Variants in CACNA1D observed in about 807,000 individuals in gnomAD.
The protein encoded by CACNA1D is voltage-dependent L-type calcium channel subunit alpha-1D.
CACNA1D carries 55 observed loss-of-function variants against 257.1 expected under a neutral mutation model. The observed-to-expected ratio is 0.21, with a 90% CI of 0.17 to 0.27. CACNA1D has a LOEUF of 0.27. CACNA1D is among the 10% of genes least tolerant of loss of function. The pLI is 1.00. For synonymous variants in CACNA1D, 980 were observed against 1,014.9 expected (o/e 0.97, Z 0.65); for missense variants, 1,876 against 2,784.0 (o/e 0.67, Z 7.34).
chr3:53,566,627 G>A (rs1032501592), intron 3 of CACNA1D, among the ~76,000 whole-genome samples: 3 of 152,070 alleles, frequency 2.0e-5, no homozygotes, highest in Non-Finnish European at 4.4e-5. Flanking sequence ...TTCCACACAT[G>A]TGCCACAGCG....
intron 3 of CACNA1D, among the ~76,000 whole-genome samples, chr3:53,602,659 G>C (rs1019187894): frequency 1.3e-5 from 2 of 152,202 alleles, no homozygotes; most frequent in African/African-American, 4.8e-5. Flanking sequence ...TAACTGGGGT[G>C]AGGTGGTATC....
chr3:53,730,246 TTTTG>T (rs2094976573), intron 15 of CACNA1D, among the ~76,000 whole-genome samples, 192 bp from the exon 16 acceptor site: 1 of 90,172 alleles, frequency 1.1e-5, no homozygotes, highest in Admixed American at 9.6e-5. Flanking sequence ...AGGTTTTTAC[TTTTG>T]TTTTGTTTTG....
intron 3 of CACNA1D, among the ~76,000 whole-genome samples, chr3:53,564,771 C>T (rs1246423392): frequency 1.3e-5 from 2 of 152,154 alleles, no homozygotes; most frequent in African/African-American, 4.8e-5. Context: ...GGTAAGGAAA[C>T]TGAGGCACAG....
rs925677202 is a variant in CACNA1D, at chr3:53,763,541, C to T, written c.3870+1460C>T. 8.5e-5 allele frequency among the ~76,000 whole-genome samples: 13 copies of T among 152,276 alleles called. No homozygotes were observed. In the Middle Eastern group the frequency reaches 0.01, roughly 120 times the overall value. The stretch of plus-strand genomic sequence containing the variant: ...TGTGCCGAGCCTGTGCAGAGCCTTT[C>T]GAGAGAGTGGGCGGAGCACGGGGAG... On this transcript the variant is annotated intron_variant, in intron 30 of 47. Coordinates refer to ENST00000350061, the MANE Select transcript of CACNA1D (RefSeq NM_001128840.3).
In CACNA1D at chr3:53,770,565, C is replaced by T; in HGVS notation, c.4044+13C>T. 1.9e-6 allele frequency: 3 copies of T among 1,612,680 alleles called. No homozygotes were observed. The highest frequency in any genetic ancestry group is 2.5e-6 in the Non-Finnish European group (3 of 1,178,766). ...TAAGTCCTTTCAGGTAAGAGCCATG[C>T]CAAGGACTTCTCTCTTTGTCTTTGA... On this transcript the variant is annotated intron_variant, in intron 32 of 47. Coordinates refer to ENST00000350061, the MANE Select transcript of CACNA1D (RefSeq NM_001128840.3).
At chr3:53,684,621 CAAAAA>C (rs60026644) in intron 8 of CACNA1D, among the ~76,000 whole-genome samples, 10 of 84,508 alleles carry the variant, frequency 1.2e-4, no homozygotes, top group Admixed American at 3.5e-4. Flanking sequence ...GAAACTCTGT[CAAAAA>C]AAAAAAAAAA....
chr3:53,735,979 A>G (rs1198279896), intron 20 of CACNA1D, among the ~76,000 whole-genome samples: 2 of 152,100 alleles, frequency 1.3e-5, no homozygotes, highest in Non-Finnish European at 2.9e-5. Context: ...CCAAGCTGCT[A>G]GGCTCCACGA....
rs935494620 is a variant in CACNA1D, at chr3:53,793,476, T to C, written c.4923+6524T>C. Among the ~76,000 whole-genome samples the C allele has an allele frequency of 2.6e-5, 4 of 152,164 alleles. No individual in the cohort carries two copies. Among genetic ancestry groups the C allele is most frequent in the African/African-American group, 9.7e-5 (4 of 41,432 alleles). On this transcript the variant is annotated intron_variant, in intron 40 of 47. Transcript: ENST00000350061. This position sits in a 1 kb window ranked among gnomAD's most constrained non-coding sequence, Gnocchi z 4.1. ...GGGCCGGTGTGACCGACCTTCTAGATCCAAGATTCCATACACTCAGGCCTC... is the reference window on the plus strand; with the variant it reads ...GGGCCGGTGTGACCGACCTTCTAGACCCAAGATTCCATACACTCAGGCCTC...
rs574590528 is a variant in CACNA1D at position 53,793,054 on chromosome 3, C to T, written c.4923+6102C>T. 1.3e-5 allele frequency among the ~76,000 whole-genome samples: 2 copies of T among 152,174 alleles called. No individual in the cohort carries two copies. The highest frequency in any genetic ancestry group is 2.9e-5 in the Non-Finnish European group (2 of 68,012). On this transcript the variant is annotated intron_variant, in intron 40 of 47. Transcript: ENST00000350061. The surrounding 1 kb of genome is among the most constrained non-coding windows in gnomAD (Gnocchi z 4.1). Reference sequence around the variant, plus strand: ...GAAAGCCAGGAACACTCCAGTGTGGCCAGGCCACTTGTCAAGATGTTGAAG... The same window carrying T: ...GAAAGCCAGGAACACTCCAGTGTGGTCAGGCCACTTGTCAAGATGTTGAAG...
chr3:53,683,614 G>A (rs537902475), intron 8 of CACNA1D, among the ~76,000 whole-genome samples: 2 of 152,194 alleles, frequency 1.3e-5, no homozygotes, highest in East Asian at 3.8e-4. Flanking sequence ...GATGACAGAT[G>A]TTGCAATTAA....
At chr3:53,634,728 A>G (rs2093861706) in intron 3 of CACNA1D, among the ~76,000 whole-genome samples, 1 of 152,196 alleles carries the variant, frequency 6.6e-6, no homozygotes, top group Non-Finnish European at 1.5e-5. Flanking sequence ...TGTGCCAGGC[A>G]TTTCCCACCA....
intron 33 of CACNA1D, chr3:53,773,564 C>T (rs930729708): frequency 6.6e-6 from 1 of 152,460 alleles, no homozygotes; most frequent in Non-Finnish European, 1.5e-5. Flanking sequence ...GCAGATTCTC[C>T]ACGTGTGCAG....
intron 40 of CACNA1D, 70 bp downstream of exon 40, chr3:53,787,022 A>C: frequency 2.6e-6 from 4 of 1,512,938 alleles, no homozygotes; most frequent in South Asian, 1.1e-5. Flanking sequence ...AATACTAGAG[A>C]GCTGCCTATT....
In CACNA1D at chr3:53,803,514, C is replaced by G; in HGVS notation, c.5527C>G (p.Gln1843Glu). The change falls in exon 44 of 48, where the codon CAG becomes GAG. Residue 1843 changes from glutamine to glutamate, a missense_variant. Physicochemically the swap from Gln to Glu is conservative, Grantham distance 29 (BLOSUM62 2). Around this residue, in one of 10 missense-constraint regions of CACNA1D, gnomAD observed 491 missense variants for 554.3 expected, o/e 0.89. Transcript: ENST00000350061. ...YFRDPHCLGE[Q>E]EYFSSEECYE... ...CAGGGACCCCCACTGCTTGGGGGAG[C>G]AGGAGTATTTCAGTAGTGAGGAATG... The G allele has an allele frequency of 6.2e-7, 1 of 1,614,100 alleles. No homozygotes were observed. The highest frequency in any genetic ancestry group is 8.5e-7 in the Non-Finnish European group (1 of 1,179,932).
chr3:53,509,571 G>A lies in CACNA1D; in HGVS notation c.483+7851G>A, dbSNP rs559345206. On this transcript the variant is annotated intron_variant, in intron 3 of 47. Coordinates refer to ENST00000350061, the MANE Select transcript of CACNA1D (RefSeq NM_001128840.3). The stretch of plus-strand genomic sequence containing the variant: ...TGTTGAAATTATTGAATGAGTGAAC[G>A]CGAGGTGAGGCTGGAGGGAATCAGG... 2.0e-5 allele frequency among the ~76,000 whole-genome samples: 3 copies of A among 152,222 alleles called. No homozygotes were observed. In the South Asian group the frequency reaches 6.2e-4, roughly 32 times the overall value.
Position 53,793,147 on chromosome 3 carries a change from C to G in CACNA1D, c.4923+6195C>G, listed in dbSNP as rs1372811306. On this transcript the variant is annotated intron_variant, in intron 40 of 47. Coordinates refer to ENST00000350061, the MANE Select transcript of CACNA1D (RefSeq NM_001128840.3). This position sits in a 1 kb window ranked among gnomAD's most constrained non-coding sequence, Gnocchi z 4.1. ...AGTCTCCTTCCCCACTGCCAGCAGCCCAGCCCCTCCTGAGACTGCTCTGTG... is the reference window on the plus strand; with the variant it reads ...AGTCTCCTTCCCCACTGCCAGCAGCGCAGCCCCTCCTGAGACTGCTCTGTG... 1.3e-5 allele frequency among the ~76,000 whole-genome samples: 2 copies of G among 152,194 alleles called. No individual in the cohort carries two copies. Among genetic ancestry groups the G allele is most frequent in the Non-Finnish European group, 2.9e-5 (2 of 68,032 alleles).
In CACNA1D at chr3:53,803,510, G is replaced by A; in HGVS notation, c.5523G>A (p.Gly1841=). The A allele has an allele frequency of 6.2e-7, 1 of 1,614,148 alleles. No homozygotes were observed. Among genetic ancestry groups the A allele is most frequent in the Non-Finnish European group, 8.5e-7 (1 of 1,179,958 alleles). The change falls in exon 44 of 48, where the codon GGG becomes GGA. Residue 1841 remains glycine, a synonymous_variant. Transcript: ENST00000350061. ...ATTTCAGGGACCCCCACTGCTTGGG[G>A]GAGCAGGAGTATTTCAGTAGTGAGG... is the stretch of plus-strand genomic sequence containing the variant. ...HGYFRDPHCL[G]EQEYFSSEEC...
intron 3 of CACNA1D, among the ~76,000 whole-genome samples, chr3:53,575,844 C>G (rs2093028676): frequency 6.6e-6 from 1 of 152,144 alleles, no homozygotes; most frequent in Admixed American, 6.5e-5. Flanking sequence ...TTGTTAATTG[C>G]AGTATTTGAT....
chr3:53,601,316 C>G (rs1480528893), intron 3 of CACNA1D, among the ~76,000 whole-genome samples: 1 of 152,202 alleles, frequency 6.6e-6, no homozygotes, highest in African/African-American at 2.4e-5. Context: ...ATTACATTCT[C>G]ATACTAAATA....
Sources: gnomAD v4.1 joint callset for allele counts (sites outside exome capture counted in the v4.1 genomes callset) on GRCh38, gnomAD v4.1.1 for gene constraint, gnomAD v4.1.1 regional missense constraint, Gnocchi (gnomAD v3.1) non-coding constraint, MANE v1.5 for transcripts, NCBI Gene and HGNC (gene_info 2026-07-23, HGNC 2026-07-21) for gene names.